PRRC2C: variants seen among roughly 807,000 people sequenced by gnomAD.
The protein encoded by PRRC2C is protein PRRC2C.
In PRRC2C, 72 loss-of-function variants were observed where a neutral mutation model predicts 317.2. That is an observed-to-expected ratio of 0.23 (90% CI 0.19 to 0.28). The LOEUF is 0.28. Among genes scored for constraint, PRRC2C ranks in the 10% least tolerant of loss-of-function variants. The pLI is 1.00. For synonymous variants in PRRC2C, 1,296 were observed against 1,205.9 expected, an observed-to-expected ratio of 1.07 and a Z score of -1.55; for missense variants, 3,074 against 3,459.7, an observed-to-expected ratio of 0.89 and a Z score of 2.80.
At chr1:171,551,966 A>T (rs1474574068) in intron 18 of PRRC2C, among the ~76,000 whole-genome samples, 1 of 152,198 alleles carries the variant, frequency 6.6e-6, no homozygotes, top group Non-Finnish European at 1.5e-5. Flanking sequence ...GTTCCATATG[A>T]ACTTTAAAGT....
chr1:171,555,744 A>G (rs1260634228), intron 18 of PRRC2C, among the ~76,000 whole-genome samples: 1 of 152,074 alleles, frequency 6.6e-6, no homozygotes, highest in African/African-American at 2.4e-5. Flanking sequence ...GGTCTGTTGG[A>G]ATTTGCTGGA....
intron 18 of PRRC2C, 132 bp from the exon 19 acceptor site, chr1:171,557,108 A>G: frequency 1.4e-6 from 2 of 1,416,640 alleles, no homozygotes; most frequent in Non-Finnish European, 1.9e-6. Flanking sequence ...AGCAACCCTG[A>G]CATTTTGTGG....
intron 29 of PRRC2C, 80 bp from the exon 30 acceptor site, chr1:171,584,339 G>T (rs955493463): frequency 1.4e-6 from 2 of 1,393,122 alleles, no homozygotes; most frequent in African/African-American, 2.9e-5. Context: ...GCTAGACATT[G>T]CTTTGAAGTC....
rs1270772117 is a variant in PRRC2C at position 171,540,695 on chromosome 1, T to G, written c.3229T>G (p.Ser1077Ala). ...PQPPAPIQPQSVPPPIQPEAE... is the reference protein window; with the variant it reads ...PQPPAPIQPQAVPPPIQPEAE... ...GCCACCAGCACCAATTCAGCCACAG[T>G]CAGTTCCACCACCAATTCAACCAGA... Residue 1077 changes from serine (S) to alanine (A), a missense_variant, in exon 16 of 35, where the codon TCA becomes GCA. By Grantham distance (99) the Ser-to-Ala change is moderately conservative. This residue lies in a region of PRRC2C where 1,320 missense variants were observed against 1,395.7 expected (regional missense o/e 0.95). Transcript: ENST00000647382. 3.1e-5 allele frequency: 50 copies of G among 1,613,806 alleles called. No homozygotes were observed. Among genetic ancestry groups the G allele is most frequent in the Non-Finnish European group, 4.2e-5 (49 of 1,179,864 alleles).
intron 15 of PRRC2C, 58 bp from the exon 16 acceptor site, chr1:171,539,913 A>G: frequency 7.2e-7 from 1 of 1,382,030 alleles, no homozygotes; most frequent in East Asian, 2.3e-5. Flanking sequence ...TTTGCTATAT[A>G]CTTACGCATG....
chr1:171,591,733 C>G lies in PRRC2C; in HGVS notation c.8583C>G (p.Val2861=). Residue 2861 remains valine, a synonymous_variant, in exon 35 of 35, where the codon GTC becomes GTG. Coordinates refer to ENST00000647382, the MANE Select transcript of PRRC2C (RefSeq NM_001387844.1). ...AAACACTGACCGACCCTCCTGGGGT[C>G]TGTCAGGAAAAAGTAGAAGAAAAGC... ...PPETLTDPPG[V]CQEKVEEKPP... The G allele has an allele frequency of 6.2e-7, 1 of 1,613,886 alleles. No homozygotes were observed. The highest frequency in any genetic ancestry group is 1.1e-5 in the South Asian group (1 of 91,078).
rs778918654 is a variant in PRRC2C at position 171,532,787 on chromosome 1, AAAG to A, written c.1702_1704del (p.Glu568del). 77 of 1,545,762 alleles carry A rather than the reference AAAG, an allele frequency of 5.0e-5. No homozygotes were observed. Among genetic ancestry groups the A allele is most frequent in the Non-Finnish European group, 6.3e-5 (72 of 1,150,252 alleles). ...GAAAGAAAGAAAGCAAGAAAAAGAA[AAAG>A]AACTAGAACGGCAGAAAGAAAAGGA... On this transcript the variant is annotated inframe_deletion, in exon 12 of 35. Transcript: ENST00000647382.
At chr1:171,502,146 A>G (rs1669216488) in intron 1 of PRRC2C, among the ~76,000 whole-genome samples, 1 of 152,180 alleles carries the variant, frequency 6.6e-6, no homozygotes, top group African/African-American at 2.4e-5. Context: ...GGCTCTGCAA[A>G]ATGTGACTTT....
intron 1 of PRRC2C, chr1:171,510,514 A>G (rs1671159755): frequency 6.6e-6 from 1 of 152,056 alleles, no homozygotes; most frequent in Admixed American, 6.5e-5. Context: ...TTCTTTCTAT[A>G]TCTTTGTACA....
At chr1:171,507,358 C>G (rs957669037) in intron 1 of PRRC2C, among the ~76,000 whole-genome samples, 1 of 152,186 alleles carries the variant, frequency 6.6e-6, no homozygotes, top group African/African-American at 2.4e-5. Context: ...CGTCTGTAAT[C>G]GCAGCACTTT....
intron 1 of PRRC2C, among the ~76,000 whole-genome samples, chr1:171,491,401 T>TAGGCCTCGCAG (rs1249491648): frequency 2.6e-5 from 4 of 152,212 alleles, no homozygotes; most frequent in Admixed American, 1.3e-4. Flanking sequence ...TGCCCCAGCT[T>TAGGCCTCGCAG]AGGCCTCGCA....
intron 20 of PRRC2C, among the ~76,000 whole-genome samples, chr1:171,563,921 A>G (rs981926513): frequency 3.9e-5 from 6 of 152,198 alleles, no homozygotes; most frequent in Non-Finnish European, 5.9e-5. Context: ...GGCATTCTAC[A>G]AGTTTACAGT....
At chr1:171,572,630 G>A (rs1218486249) in intron 24 of PRRC2C, among the ~76,000 whole-genome samples, 1 of 152,110 alleles carries the variant, frequency 6.6e-6, no homozygotes, top group Non-Finnish European at 1.5e-5. Context: ...GCCAATTCCT[G>A]TTCAGCCTTT....
chr1:171,553,350 CT>C (rs1467299136), intron 18 of PRRC2C, among the ~76,000 whole-genome samples: 2 of 151,920 alleles, frequency 1.3e-5, no homozygotes, highest in South Asian at 4.2e-4. Flanking sequence ...ATTCTTCTCT[CT>C]TTTCTTCTTT....
intron 12 of PRRC2C, 129 bp from the exon 13 acceptor site, chr1:171,535,296 AAAT>A (rs1676611756): frequency 2.8e-6 from 2 of 721,414 alleles, no homozygotes; most frequent in African/African-American, 1.8e-5. Context: ...TTAAAGTAGA[AAAT>A]AATGTTTTAG....
In PRRC2C at chr1:171,540,019, A is replaced by G. The variant is rs1401529532; in HGVS notation, c.2553A>G (p.Val851=). The G allele has an allele frequency of 3.7e-6, 6 of 1,613,806 alleles. No individual in the cohort carries two copies. Among genetic ancestry groups the G allele is most frequent in the East Asian group, 2.2e-5 (1 of 44,896 alleles). ...AACAGATTACTGCTGCTTATTCTGT[A>G]GAACATAATCAATTAGAGGCTCACC... ...DQEQITAAYS[V]EHNQLEAHPK... is the part of the protein sequence containing the mutation. The change falls in exon 16 of 35, where the codon GTA becomes GTG. Residue 851 remains valine (V), a synonymous_variant. Transcript: ENST00000647382.
At chr1:171,506,430 C>G (rs1192997568) in intron 1 of PRRC2C, among the ~76,000 whole-genome samples, 3 of 152,030 alleles carry the variant, frequency 2.0e-5, no homozygotes, top group Admixed American at 6.6e-5. Context: ...GTGGGTTCTT[C>G]ACGTTTCTTA....
chr1:171,496,236 C>G (rs962227706), intron 1 of PRRC2C, among the ~76,000 whole-genome samples: 1 of 108,612 alleles, frequency 9.2e-6, no homozygotes, highest in Non-Finnish European at 1.8e-5. Flanking sequence ...AGGGTCTCCC[C>G]CTGTTGCCCT....
chr1:171,557,616 C>T lies in PRRC2C; in HGVS notation c.5504C>T (p.Ala1835Val). 2.6e-6 allele frequency: 4 copies of T among 1,551,670 alleles called. No homozygotes were observed. Among genetic ancestry groups the T allele is most frequent in the Non-Finnish European group, 3.5e-6 (4 of 1,146,996 alleles). The change falls in exon 19 of 35, where the codon GCT becomes GTT. Residue 1835 changes from alanine to valine, a missense_variant. Ala to Val is a moderately conservative substitution (Grantham distance 64). Transcript: ENST00000647382. ...TSAAAITSSS[A>V]PASAPAPTPI... ...GCTGCAGCTATAACCTCTTCTTCAG[C>T]TCCAGCCTCAGCCCCAGCTCCAACC...
Sources: gnomAD v4.1 joint callset for allele counts (sites outside exome capture counted in the v4.1 genomes callset) on GRCh38, gnomAD v4.1.1 for gene constraint, gnomAD v4.1.1 regional missense constraint, MANE v1.5 for transcripts, NCBI Gene and HGNC (gene_info 2026-07-23, HGNC 2026-07-21) for gene names.